FANCL: variants seen among roughly 807,000 people sequenced by gnomAD.
FANCL encodes the protein FA complementation group L.
In FANCL, 69 loss-of-function variants were observed where a neutral mutation model predicts 59.4. The ratio of observed to expected loss-of-function variants is 1.16; its 90% CI spans 0.96 to 1.42. The LOEUF (loss-of-function observed/expected upper bound fraction) is 1.42, where lower values mean the gene tolerates loss of function less well. Ranked by LOEUF, FANCL falls within the 40% of genes most tolerant of loss-of-function variation. FANCL has a pLI of 0.00. For missense variants in FANCL, 519 were observed against 447.2 expected (o/e 1.16, Z -1.45); for synonymous variants, 180 against 147.1 (o/e 1.22, Z -1.62).
intron 11 of FANCL, 102 bp from the exon 12 acceptor site, chr2:58,161,740 T>A: frequency 1.4e-6 from 1 of 733,504 alleles, no homozygotes; most frequent in Non-Finnish European, 2.5e-6. Flanking sequence ...ATGTATACAG[T>A]GTTTAATGAT....
At chr2:58,190,300 C>T (rs1688801020) in intron 7 of FANCL, among the ~76,000 whole-genome samples, 1 of 151,710 alleles carries the variant, frequency 6.6e-6, no homozygotes, top group South Asian at 2.1e-4. Context: ...GGTATCTGCC[C>T]ACAGGACCAA....
At chr2:58,162,685 C>G (rs1457927440) in intron 11 of FANCL, among the ~76,000 whole-genome samples, 181 bp downstream of exon 11, 1 of 151,842 alleles carries the variant, frequency 6.6e-6, no homozygotes, top group Non-Finnish European at 1.5e-5. Flanking sequence ...CCCCCTGTTC[C>G]AAGAGACAGT....
chr2:58,170,941 C>G (rs1686539686), intron 7 of FANCL, among the ~76,000 whole-genome samples: 1 of 152,204 alleles, frequency 6.6e-6, no homozygotes, highest in East Asian at 1.9e-4. Flanking sequence ...CTGTAACACC[C>G]CCACTGTCAA....
chr2:58,189,644 G>A (rs1688732706), intron 7 of FANCL, among the ~76,000 whole-genome samples: 1 of 152,136 alleles, frequency 6.6e-6, no homozygotes, highest in African/African-American at 2.4e-5. Flanking sequence ...ATCTCAGAAT[G>A]TAACGCTTAT....
At chr2:58,164,360 T>C (rs1418320620) in intron 8 of FANCL, among the ~76,000 whole-genome samples, 1 of 151,966 alleles carries the variant, frequency 6.6e-6, no homozygotes, top group Non-Finnish European at 1.5e-5. Flanking sequence ...AAAGAGGTCA[T>C]TAACAGAAAA....
chr2:58,160,276 T>A, intron 12 of FANCL, 97 bp from the exon 13 acceptor site: 1 of 1,263,990 alleles, frequency 7.9e-7, no homozygotes, highest in Non-Finnish European at 1.2e-6. Context: ...CATTATGTTT[T>A]TATTCCAGAA....
intron 2 of FANCL, among the ~76,000 whole-genome samples, chr2:58,231,243 A>G (rs1693551681): frequency 6.6e-6 from 1 of 152,138 alleles, no homozygotes; most frequent in African/African-American, 2.4e-5. Context: ...AAGTCTATTC[A>G]TAATCAAGGT....
chr2:58,191,277 A>G (rs1012424890), intron 7 of FANCL, among the ~76,000 whole-genome samples: 1 of 151,894 alleles, frequency 6.6e-6, no homozygotes, highest in Non-Finnish European at 1.5e-5. Context: ...TTTTTATCCA[A>G]AAGTATTTTA....
intron 5 of FANCL, among the ~76,000 whole-genome samples, chr2:58,219,878 T>C (rs1297969781): frequency 6.6e-6 from 1 of 152,148 alleles, no homozygotes; most frequent in East Asian, 1.9e-4. Flanking sequence ...TGGCTTCTCA[T>C]AAAGATAGTG....
intron 5 of FANCL, among the ~76,000 whole-genome samples, chr2:58,211,136 A>AG (rs1691103408): frequency 6.6e-6 from 1 of 152,168 alleles, no homozygotes; most frequent in Admixed American, 6.5e-5. Flanking sequence ...GTTCTCCATG[A>AG]GGGCCCCACC....
intron 7 of FANCL, among the ~76,000 whole-genome samples, chr2:58,188,275 A>C (rs759962245): frequency 6.6e-6 from 1 of 152,134 alleles, no homozygotes; most frequent in African/African-American, 2.4e-5. Context: ...TACCTTTATG[A>C]AAATACCATA....
Position 58,159,697 on chromosome 2 carries a change from T to G in FANCL, c.*68A>C. The G allele has an allele frequency of 6.2e-7, 1 of 1,612,460 alleles. No homozygotes were observed. The highest frequency in any genetic ancestry group is 8.5e-7 in the Non-Finnish European group (1 of 1,179,390). ...TCTTGCTTTATTTTTTCTCTGAAGA[T>G]GATACCAAAATTCCTTTTGATAATT... On this transcript the variant is annotated 3_prime_UTR_variant, in exon 14 of 14. Transcript: ENST00000233741.
At chr2:58,184,635 T>G (rs1332745631) in intron 7 of FANCL, among the ~76,000 whole-genome samples, 1 of 151,868 alleles carries the variant, frequency 6.6e-6, no homozygotes, top group Non-Finnish European at 1.5e-5. Flanking sequence ...CAACAGAAAT[T>G]AGCAACAGAA....
intron 2 of FANCL, among the ~76,000 whole-genome samples, chr2:58,230,501 A>C (rs1200249084): frequency 6.6e-6 from 1 of 152,068 alleles, no homozygotes; most frequent in African/African-American, 2.4e-5. Flanking sequence ...ATTGTATAAG[A>C]AGTGATAAGT....
chr2:58,198,393 A>G (rs1385202017), intron 7 of FANCL, among the ~76,000 whole-genome samples: 2 of 152,186 alleles, frequency 1.3e-5, no homozygotes, highest in African/African-American at 4.8e-5. Context: ...ATTAGGTATT[A>G]TAATCTAGAG....
At chr2:58,173,899 A>G (rs929408157) in intron 7 of FANCL, among the ~76,000 whole-genome samples, 2 of 152,174 alleles carry the variant, frequency 1.3e-5, no homozygotes, top group Admixed American at 6.5e-5. Context: ...CAAATCTCAC[A>G]AGCAGAGACA....
At chr2:58,224,613 T>A (rs1413481419) in intron 4 of FANCL, among the ~76,000 whole-genome samples, 2 of 151,872 alleles carry the variant, frequency 1.3e-5, no homozygotes, top group African/African-American at 4.8e-5. Context: ...CTGCTAGGAA[T>A]AAAATGGTCT....
chr2:58,207,712 GA>G (rs1345413955), intron 5 of FANCL, among the ~76,000 whole-genome samples: 6 of 151,944 alleles, frequency 3.9e-5, no homozygotes, highest in Non-Finnish European at 8.8e-5. Context: ...GATCTTAAAG[GA>G]AAAAAAGAGT....
chr2:58,232,406 C>G (rs1033372566), intron 1 of FANCL, among the ~76,000 whole-genome samples: 4 of 151,832 alleles, frequency 2.6e-5, no homozygotes, highest in Admixed American at 6.6e-5. Flanking sequence ...TACAAAATTG[C>G]TAACCAGGCC....
Sources: allele counts gnomAD v4.1 joint callset (sites outside exome capture counted in the v4.1 genomes callset), GRCh38; gene constraint gnomAD v4.1.1; transcripts MANE v1.5; gene names NCBI Gene and HGNC (gene_info 2026-07-23, HGNC 2026-07-21).